The following PPP4R4 variants were observed in gnomAD, a reference collection of about 807,000 sequenced individuals.
The protein encoded by PPP4R4 is serine/threonine-protein phosphatase 4 regulatory subunit 4.
Under a neutral mutation model 121.8 loss-of-function variants are expected in PPP4R4, and 70 were observed. The ratio of observed to expected loss-of-function variants is 0.57; its 90% CI spans 0.47 to 0.70. The LOEUF is 0.70. Among genes scored for constraint, PPP4R4 ranks in the 30% least tolerant of loss-of-function variants. The probability of loss-of-function intolerance (pLI) is 0.00; values close to 1 mark genes in which losing one functional copy is unlikely to be tolerated. For synonymous variants in PPP4R4, 348 were observed against 355.7 expected, an observed-to-expected ratio of 0.98 and a Z score of 0.24; for missense variants, 875 against 1,033.6, an observed-to-expected ratio of 0.85 and a Z score of 2.10.
In PPP4R4 at chr14:94,258,805, T is replaced by C. The variant is rs1290113535; in HGVS notation, c.2033T>C (p.Met678Thr). The change falls in exon 18 of 25, where the codon ATG (methionine) becomes ACG (threonine). Residue 678 changes from methionine (M) to threonine (T), a missense_variant. Coordinates refer to ENST00000304338, the MANE Select transcript of PPP4R4 (RefSeq NM_058237.2). Reference protein sequence around the residue: ...VKRTVLELDRMEMSMDAFQKK... With the variant: ...VKRTVLELDRTEMSMDAFQKK... The stretch of plus-strand genomic sequence containing the variant: ...TAGACTGTATTAGAGTTGGACAGAA[T>C]GGAAATGTCTATGGATGCTGTAAGT... 10 of 1,584,418 alleles carry C rather than the reference T, an allele frequency of 6.3e-6. No homozygotes were observed. Among genetic ancestry groups the C allele is most frequent in the Non-Finnish European group, 7.8e-6 (9 of 1,153,876 alleles).
intron 23 of PPP4R4, among the ~76,000 whole-genome samples, chr14:94,273,764 TA>T (rs1474008448): frequency 6.6e-6 from 1 of 152,086 alleles, no homozygotes; most frequent in Non-Finnish European, 1.5e-5. Context: ...AAAACTGTTC[TA>T]AAAAATAGAG....
chr14:94,179,844 G>GCTTTCTTGTTGTTGTT (rs1888879563), intron 2 of PPP4R4, among the ~76,000 whole-genome samples: 1 of 152,192 alleles, frequency 6.6e-6, no homozygotes, highest in Non-Finnish European at 1.5e-5. Context: ...ACAAGGGCAA[G>GCTTTCTTGTTGTTGTT]CTTTCTTGTT....
At chr14:94,186,257 C>T (rs988169919) in intron 2 of PPP4R4, among the ~76,000 whole-genome samples, 2 of 152,178 alleles carry the variant, frequency 1.3e-5, no homozygotes, top group Non-Finnish European at 2.9e-5. Flanking sequence ...TTATCTCTCT[C>T]TCCCTCCCGT....
intron 1 of PPP4R4, 178 bp from the exon 2 acceptor site, chr14:94,175,876 T>G: frequency 1.7e-6 from 1 of 601,554 alleles, no homozygotes; most frequent in Non-Finnish European, 3.0e-6. Context: ...ACCACCCAAT[T>G]AGAGACCTCC....
intron 2 of PPP4R4, among the ~76,000 whole-genome samples, chr14:94,198,259 T>C (rs1889989132): frequency 6.6e-6 from 1 of 152,222 alleles, no homozygotes; most frequent in Admixed American, 6.5e-5. Context: ...CTCATTGTGG[T>C]TGTAATGTAA....
Position 94,245,649 on chromosome 14 carries a change from A to G in PPP4R4, c.1407A>G (p.Glu469=). The part of the protein sequence containing the change: ...EILELMSTGG[E]SSVQENKLSS... The stretch of plus-strand genomic sequence containing the variant: ...TGGAACTTATGTCTACTGGTGGAGA[A>G]AGCAGTGTTCAAGAAAATAAGGTAA... Residue 469 remains glutamate (E), a synonymous_variant, in exon 13 of 25, where the codon GAA becomes GAG. Transcript: ENST00000304338. 1 of 1,597,774 alleles carries G rather than the reference A, an allele frequency of 6.3e-7. No homozygotes were observed. The highest frequency in any genetic ancestry group is 8.6e-7 in the Non-Finnish European group (1 of 1,167,242).
At chr14:94,194,511 A>T (rs1889763674) in intron 2 of PPP4R4, among the ~76,000 whole-genome samples, 1 of 152,236 alleles carries the variant, frequency 6.6e-6, no homozygotes. Flanking sequence ...ATATTTAAAA[A>T]TTACATGTGT....
At chr14:94,225,463 G>T (rs994102403) in intron 3 of PPP4R4, among the ~76,000 whole-genome samples, 4 of 152,272 alleles carry the variant, frequency 2.6e-5, no homozygotes, top group Non-Finnish European at 4.4e-5. Context: ...AGGAATAAGG[G>T]CAGTCCTGAA....
At chr14:94,267,769 A>G (rs1471571053) in intron 23 of PPP4R4, among the ~76,000 whole-genome samples, 1 of 152,160 alleles carries the variant, frequency 6.6e-6, no homozygotes, top group Non-Finnish European at 1.5e-5. Context: ...TTAGGTGTAA[A>G]TAGTAGTGAA....
chr14:94,244,878 T>C (rs376497946), intron 12 of PPP4R4, among the ~76,000 whole-genome samples, 166 bp downstream of exon 12: 1 of 152,142 alleles, frequency 6.6e-6, no homozygotes, highest in East Asian at 1.9e-4. Flanking sequence ...ATTGGGAAGA[T>C]AGTTTAAAAA....
chr14:94,213,386 A>T (rs1472751556), intron 3 of PPP4R4, among the ~76,000 whole-genome samples: 1 of 152,214 alleles, frequency 6.6e-6, no homozygotes, highest in African/African-American at 2.4e-5. Context: ...TCTTTTAAAA[A>T]GCATCAATCA....
chr14:94,189,275 G>A (rs1025773598), intron 2 of PPP4R4, among the ~76,000 whole-genome samples: 2 of 152,140 alleles, frequency 1.3e-5, no homozygotes, highest in Admixed American at 6.6e-5. Flanking sequence ...CAATGTGAAG[G>A]AGATGTATTT....
chr14:94,245,745 A>G (rs774032106), intron 13 of PPP4R4, 75 bp downstream of exon 13: 6 of 1,055,882 alleles, frequency 5.7e-6, no homozygotes, highest in Middle Eastern at 2.3e-4. Context: ...TGAGGCATCA[A>G]TGAAAGAATG....
intron 3 of PPP4R4, among the ~76,000 whole-genome samples, chr14:94,218,430 GCGCACA>G (rs1891162265): frequency 9.0e-6 from 1 of 110,644 alleles, no homozygotes; most frequent in African/African-American, 3.5e-5. Flanking sequence ...CCGCACGCGC[GCGCACA>G]CACACACACC....
Position 94,174,625 on chromosome 14 carries a change from C to T in PPP4R4, c.117+43C>T. 7 of 1,601,636 alleles carry T rather than the reference C, an allele frequency of 4.4e-6. No homozygotes were observed. The South Asian group carries it at 7.8e-5, about 18-fold the overall frequency. On this transcript the variant is annotated intron_variant, in intron 1 of 24. Coordinates refer to ENST00000304338, the MANE Select transcript of PPP4R4 (RefSeq NM_058237.2). ...GACCTGCCCTCACGGCGTCCGGCCG[C>T]CTGCCCCGCGCGGTCCCGCGCTGAT... is the stretch of plus-strand genomic sequence containing the variant.
At chr14:94,212,084 G>A (rs1890773507) in intron 3 of PPP4R4, among the ~76,000 whole-genome samples, 1 of 152,152 alleles carries the variant, frequency 6.6e-6, no homozygotes, top group South Asian at 2.1e-4. Context: ...AGTGGTGTGT[G>A]CAGCTTTTAG....
intron 11 of PPP4R4, among the ~76,000 whole-genome samples, chr14:94,243,725 G>C (rs528545645): frequency 6.6e-6 from 1 of 151,902 alleles, no homozygotes; most frequent in African/African-American, 2.4e-5. Flanking sequence ...ATACCATGTA[G>C]GTAGGGTAAG....
chr14:94,197,895 T>G (rs1296864502), intron 2 of PPP4R4, among the ~76,000 whole-genome samples: 1 of 152,252 alleles, frequency 6.6e-6, no homozygotes, highest in Admixed American at 6.5e-5. Flanking sequence ...TTCTTTTTAT[T>G]GCTATATGGA....
At chr14:94,184,758 C>T (rs940682890) in intron 2 of PPP4R4, among the ~76,000 whole-genome samples, 14 of 152,144 alleles carry the variant, frequency 9.2e-5, no homozygotes, top group African/African-American at 3.4e-4. Context: ...TATCCTTATA[C>T]TGGTATAATA....
Sources: allele counts gnomAD v4.1 joint callset (sites outside exome capture counted in the v4.1 genomes callset), GRCh38; gene constraint gnomAD v4.1.1; transcripts MANE v1.5; gene names NCBI Gene and HGNC (gene_info 2026-07-23, HGNC 2026-07-21).